RNF216: variants seen among roughly 807,000 people sequenced by gnomAD.
RNF216 encodes the protein ring finger protein 216.
RNF216 carries 72 observed loss-of-function variants against 110.8 expected under a neutral mutation model. That is an observed-to-expected ratio of 0.65 (90% confidence interval 0.54 to 0.79). The LOEUF (loss-of-function observed/expected upper bound fraction) is 0.79, where lower values mean the gene tolerates loss of function less well. Among genes scored for constraint, RNF216 ranks in the 30% least tolerant of loss-of-function variants. The probability of loss-of-function intolerance (pLI) is 0.00; values close to 1 mark genes in which losing one functional copy is unlikely to be tolerated. For missense variants in RNF216, 1,342 were observed against 1,141.2 expected (o/e 1.18, Z -2.54); for synonymous variants, 495 against 407.5 (o/e 1.21, Z -2.59).
intron 13 of RNF216, among the ~76,000 whole-genome samples, chr7:5,682,248 T>C (rs903767559): frequency 6.6e-6 from 1 of 152,130 alleles, no homozygotes; most frequent in Admixed American, 6.5e-5. Flanking sequence ...AAAATCCCTA[T>C]CTTGTTCTGA....
At chr7:5,756,971 A>G (rs1004132067) in intron 2 of RNF216, among the ~76,000 whole-genome samples, 1 of 152,210 alleles carries the variant, frequency 6.6e-6, no homozygotes, top group Admixed American at 6.5e-5. Context: ...ATTTTAGGCC[A>G]TAAGTTTTCC....
intron 3 of RNF216, 58 bp from the exon 4 acceptor site, chr7:5,741,873 T>C: frequency 2.0e-6 from 3 of 1,523,306 alleles, no homozygotes; most frequent in Admixed American, 2.2e-5. Context: ...TCCCTCCTTA[T>C]GTACTTATAT....
intron 2 of RNF216, among the ~76,000 whole-genome samples, chr7:5,754,158 GTGT>G (rs1795489784): frequency 1.4e-5 from 2 of 143,756 alleles, no homozygotes; most frequent in Admixed American, 1.4e-4. Flanking sequence ...GTGTGTGTGT[GTGT>G]GCGCATTTGT....
chr7:5,697,234 T>C (rs1227887516), intron 13 of RNF216, among the ~76,000 whole-genome samples: 4 of 152,228 alleles, frequency 2.6e-5, no homozygotes, highest in African/African-American at 9.6e-5. Flanking sequence ...CCCAGACCCA[T>C]GTCGCTCATG....
At chr7:5,684,703 C>T (rs1007699487) in intron 13 of RNF216, among the ~76,000 whole-genome samples, 1 of 152,164 alleles carries the variant, frequency 6.6e-6, no homozygotes, top group Non-Finnish European at 1.5e-5. Flanking sequence ...GAACAACACC[C>T]TAGCAGCAAT....
intron 13 of RNF216, among the ~76,000 whole-genome samples, chr7:5,659,694 G>A (rs1174521147): frequency 2.6e-5 from 4 of 152,154 alleles, no homozygotes; most frequent in Non-Finnish European, 5.9e-5. Flanking sequence ...TAACTTCTAG[G>A]GGAACAGGCT....
At chr7:5,741,849 C>A (rs1475165835) in intron 3 of RNF216, 34 bp from the exon 4 acceptor site, 1 of 1,559,202 alleles carries the variant, frequency 6.4e-7, no homozygotes, top group Admixed American at 1.9e-5. Context: ...AATTCAATTT[C>A]TTTCCTATGC....
chr7:5,755,116 G>A (rs1440311448), intron 2 of RNF216, among the ~76,000 whole-genome samples: 3 of 145,818 alleles, frequency 2.1e-5, no homozygotes, highest in South Asian at 2.2e-4. Flanking sequence ...AGGAAGGAAA[G>A]GAAGGAAAGG....
At chr7:5,660,943 G>GTTTTTTTTTTTTTTTTT (rs1168463360) in intron 13 of RNF216, among the ~76,000 whole-genome samples, 21 of 90,148 alleles carry the variant, frequency 2.3e-4, no homozygotes, top group South Asian at 3.7e-4. Context: ...GAAGCCTTAG[G>GTTTTTTTTTTTTTTTTT]TTTTTTTTTT....
chr7:5,627,477 G>C (rs1012212026), intron 15 of RNF216, among the ~76,000 whole-genome samples: 4 of 152,176 alleles, frequency 2.6e-5, no homozygotes, highest in African/African-American at 9.7e-5. Flanking sequence ...TAGACACTCG[G>C]TGGTTCACGC....
At chr7:5,682,143 C>T (rs1023523082) in intron 13 of RNF216, among the ~76,000 whole-genome samples, 3 of 152,218 alleles carry the variant, frequency 2.0e-5, no homozygotes, top group African/African-American at 7.2e-5. Context: ...TAGGAAAAAC[C>T]GTTGGCTTTC....
rs368756889 is a variant in RNF216, at chr7:5,682,444, G to A, written c.2061+29317C>T. On this transcript the variant is annotated intron_variant, in intron 13 of 16. Coordinates refer to ENST00000389902, the MANE Select transcript of RNF216 (RefSeq NM_207111.4). ...TTTTTTTTTGAGACAGTCTCACTCT[G>A]TTGCCCAGGCTGCAGTGCAGTGGCG... 5.5e-5 allele frequency among the ~76,000 whole-genome samples: 8 copies of A among 145,432 alleles called. No homozygotes were observed. In the East Asian group the frequency reaches 1.4e-3, roughly 25 times the overall value.
chr7:5,751,827 T>TTAAAAAA (rs1795342340), intron 3 of RNF216, among the ~76,000 whole-genome samples: 1 of 37,276 alleles, frequency 2.7e-5, no homozygotes, highest in African/African-American at 1.2e-4. Flanking sequence ...ATCTTTAAAC[T>TTAAAAAA]AAAAAAAAAA....
intron 13 of RNF216, among the ~76,000 whole-genome samples, chr7:5,669,939 T>C (rs1301360381): frequency 6.6e-6 from 1 of 151,900 alleles, no homozygotes; most frequent in Non-Finnish European, 1.5e-5. Context: ...TCCTTTTTTT[T>C]TTTTTGAGAT....
intron 13 of RNF216, among the ~76,000 whole-genome samples, chr7:5,689,738 A>G (rs1322282320): frequency 1.3e-5 from 2 of 151,770 alleles, no homozygotes; most frequent in African/African-American, 4.8e-5. Flanking sequence ...TGGATCACCT[A>G]AGGTTAGGAG....
chr7:5,739,873 T>C (rs1262933458), intron 4 of RNF216, among the ~76,000 whole-genome samples: 2 of 151,746 alleles, frequency 1.3e-5, no homozygotes, highest in South Asian at 2.1e-4. Flanking sequence ...CGTGGTGGTA[T>C]GTGCCTGTGA....
intron 1 of RNF216, among the ~76,000 whole-genome samples, chr7:5,781,087 G>A (rs1317046705): frequency 6.6e-6 from 1 of 152,324 alleles, no homozygotes; most frequent in African/African-American, 2.4e-5. Context: ...CAGATGTGAG[G>A]GAAGAGGAGG....
intron 3 of RNF216, among the ~76,000 whole-genome samples, chr7:5,742,446 CA>C: frequency 6.6e-6 from 1 of 151,822 alleles, no homozygotes. Flanking sequence ...AAGAAATGTT[CA>C]AAAAACATAT....
At position 5,721,058 on chromosome 7, in the gene RNF216, T is replaced by C. The variant is rs1254927247; in HGVS notation, c.1619A>G (p.Glu540Gly). 3 of 1,614,224 alleles carry C rather than the reference T, an allele frequency of 1.9e-6. No individual in the cohort carries two copies. The highest frequency in any genetic ancestry group is 2.5e-6 in the Non-Finnish European group (3 of 1,180,028). ...CTCTGCCATCTCTTTGATTTTCTGC[T>C]CATAGAACTCCTGCTCTTGTTGCAC... ...PAVQQEQEFY[E>G]QKIKEMAEHE... is the part of the protein sequence containing the mutation. Residue 540 changes from glutamate (E) to glycine (G), a missense_variant, in exon 9 of 17, where the codon GAG (glutamate) becomes GGG (glycine). Glu to Gly is a moderately conservative substitution (Grantham distance 98, BLOSUM62 -2). Transcript: ENST00000389902.
Sources: gnomAD v4.1 joint callset for allele counts (sites outside exome capture counted in the v4.1 genomes callset) on GRCh38, gnomAD v4.1.1 for gene constraint, MANE v1.5 for transcripts, NCBI Gene and HGNC (gene_info 2026-07-23, HGNC 2026-07-21) for gene names.